Variants in RNGTT observed in about 807,000 individuals in gnomAD.
RNGTT encodes mRNA-capping enzyme.
A neutral mutation model predicts 79.3 loss-of-function variants in RNGTT; 33 were observed. That is an observed-to-expected ratio of 0.42 (90% CI 0.32 to 0.56). The LOEUF (loss-of-function observed/expected upper bound fraction) is 0.56. Among genes scored for constraint, RNGTT ranks in the 20% least tolerant of loss-of-function variants. The pLI is 0.17. For missense variants in RNGTT, 497 were observed against 739.1 expected (o/e 0.67, Z 3.80); for synonymous variants, 222 against 235.9 (o/e 0.94, Z 0.54).
intron 11 of RNGTT, among the ~76,000 whole-genome samples, chr6:88,805,614 C>T (rs1378546815): frequency 6.6e-6 from 1 of 152,140 alleles, no homozygotes; most frequent in African/African-American, 2.4e-5. Context: ...CAAGGCAAAA[C>T]TTCACTGGCA....
chr6:88,728,957 G>T (rs1777013408), intron 13 of RNGTT, among the ~76,000 whole-genome samples: 1 of 152,248 alleles, frequency 6.6e-6, no homozygotes, highest in Non-Finnish European at 1.5e-5. Flanking sequence ...TGGCAGGCCA[G>T]AGGCCCAGAT....
In RNGTT at chr6:88,956,246, T is replaced by C. The variant is rs980341870; in HGVS notation, c.64+7100A>G. On this transcript the variant is annotated intron_variant, in intron 1 of 15. Coordinates refer to ENST00000369485, the MANE Select transcript of RNGTT (RefSeq NM_003800.5). The stretch of plus-strand genomic sequence containing the variant: ...CTTTATATGCACAAACTAGAAAATC[T>C]AGAGGAGATGGATAAATTCCTGGAA... 2.0e-5 allele frequency among the ~76,000 whole-genome samples: 3 copies of C among 151,614 alleles called. No individual in the cohort carries two copies. In the South Asian group the frequency reaches 6.2e-4, roughly 32 times the overall value.
At chr6:88,894,089 A>C (rs1484807221) in intron 6 of RNGTT, among the ~76,000 whole-genome samples, 1 of 152,226 alleles carries the variant, frequency 6.6e-6, no homozygotes, top group Non-Finnish European at 1.5e-5. Flanking sequence ...AACTGTTTCA[A>C]GATTCTAAAT....
At chr6:88,890,417 G>T in intron 8 of RNGTT, 78 bp downstream of exon 8, 3 of 897,598 alleles carry the variant, frequency 3.3e-6, no homozygotes, top group Non-Finnish European at 5.3e-6. Flanking sequence ...TCTCAAGAGT[G>T]TAAACTTTTC....
chr6:88,880,176 CTGAATGAA>C (rs57548721), intron 8 of RNGTT, among the ~76,000 whole-genome samples: 14,848 of 149,480 alleles, frequency 0.099, 864 homozygotes, highest in African/African-American at 0.15. Flanking sequence ...AATATAATTT[CTGAATGAA>C]TGAATGAATG....
chr6:88,751,390 ATATT>A (rs1470839353), intron 13 of RNGTT, among the ~76,000 whole-genome samples: 1 of 152,148 alleles, frequency 6.6e-6, no homozygotes. Context: ...AATTTGATGA[ATATT>A]TAAATAACTC....
chr6:88,827,952 A>G (rs1780726270), intron 11 of RNGTT, among the ~76,000 whole-genome samples: 2 of 152,150 alleles, frequency 1.3e-5, no homozygotes. Flanking sequence ...AGGGGCAGCT[A>G]TAGGCACAAC....
chr6:88,671,502 C>G (rs1774638275), intron 14 of RNGTT, among the ~76,000 whole-genome samples: 1 of 152,118 alleles, frequency 6.6e-6, no homozygotes, highest in African/African-American at 2.4e-5. Flanking sequence ...TGAGTAGAAT[C>G]AATACTGTGA....
intron 9 of RNGTT, among the ~76,000 whole-genome samples, chr6:88,851,766 GA>G (rs1310426865): frequency 6.6e-6 from 1 of 151,576 alleles, no homozygotes; most frequent in African/African-American, 2.4e-5. Context: ...GAAGAAACAG[GA>G]AACTACAGGA....
At chr6:88,627,238 T>C (rs1772668448) in intron 14 of RNGTT, among the ~76,000 whole-genome samples, 1 of 152,112 alleles carries the variant, frequency 6.6e-6, no homozygotes, top group Non-Finnish European at 1.5e-5. Flanking sequence ...CAGTAACAAA[T>C]AACTAAGTTT....
chr6:88,724,843 CCA>C (rs1284554317), intron 13 of RNGTT, among the ~76,000 whole-genome samples: 1 of 152,164 alleles, frequency 6.6e-6, no homozygotes, highest in Non-Finnish European at 1.5e-5. Context: ...ATTTTTCCCG[CCA>C]AACCACTCAT....
intron 11 of RNGTT, among the ~76,000 whole-genome samples, chr6:88,815,623 A>G (rs1780290030): frequency 1.3e-5 from 2 of 152,200 alleles, no homozygotes; most frequent in African/African-American, 4.8e-5. Context: ...AGCTGTCCTC[A>G]AAGTCACACC....
chr6:88,774,812 G>A (rs2127845956), intron 12 of RNGTT, among the ~76,000 whole-genome samples: 1 of 152,244 alleles, frequency 6.6e-6, no homozygotes, highest in South Asian at 2.1e-4. Context: ...CAGGGCTACA[G>A]TATGGAAGAA....
intron 13 of RNGTT, among the ~76,000 whole-genome samples, chr6:88,708,381 A>G (rs530094264): frequency 6.6e-6 from 1 of 152,256 alleles, no homozygotes; most frequent in South Asian, 2.1e-4. Flanking sequence ...GCCCTACTCT[A>G]CAAGATGACC....
At chr6:88,892,284 T>C (rs1041427525) in intron 6 of RNGTT, among the ~76,000 whole-genome samples, 5 of 151,976 alleles carry the variant, frequency 3.3e-5, no homozygotes, top group African/African-American at 1.2e-4. Flanking sequence ...CAAAGATGAG[T>C]AAATAAGGCA....
intron 11 of RNGTT, among the ~76,000 whole-genome samples, chr6:88,837,631 T>G (rs1384433583): frequency 6.6e-6 from 1 of 152,026 alleles, no homozygotes; most frequent in Non-Finnish European, 1.5e-5. Context: ...AAAGTAGGGC[T>G]TATCCCAGGA....
chr6:88,936,673 A>G (rs1784676030), intron 2 of RNGTT, among the ~76,000 whole-genome samples: 1 of 152,212 alleles, frequency 6.6e-6, no homozygotes, highest in Admixed American at 6.5e-5. Flanking sequence ...GTAATGTATC[A>G]TATTTATTGA....
chr6:88,850,095 A>C (rs979397111), intron 9 of RNGTT, among the ~76,000 whole-genome samples: 1 of 151,974 alleles, frequency 6.6e-6, no homozygotes, highest in Non-Finnish European at 1.5e-5. Context: ...ATTTTGCTTT[A>C]TGCTTGAATT....
At chr6:88,828,950 A>T (rs1180967347) in intron 11 of RNGTT, among the ~76,000 whole-genome samples, 1 of 152,120 alleles carries the variant, frequency 6.6e-6, no homozygotes, top group Non-Finnish European at 1.5e-5. Flanking sequence ...TGGAACCAAG[A>T]TGGAAACCCT....
Sources: gnomAD v4.1 joint callset for allele counts (sites outside exome capture counted in the v4.1 genomes callset) on GRCh38, gnomAD v4.1.1 for gene constraint, MANE v1.5 for transcripts, NCBI Gene and HGNC (gene_info 2026-07-23, HGNC 2026-07-21) for gene names.